Variants in GRB14 observed in about 807,000 individuals in gnomAD.
The protein encoded by GRB14 is growth factor receptor bound protein 14, also known as growth factor receptor-bound protein 14.
Under a neutral mutation model 69.1 loss-of-function variants are expected in GRB14, and 38 were observed. The ratio of observed to expected loss-of-function variants is 0.55; its 90% confidence interval spans 0.42 to 0.72. The LOEUF (loss-of-function observed/expected upper bound fraction) is 0.72. Ranked by LOEUF, GRB14 falls within the 30% of genes least tolerant of loss-of-function variation. The pLI, the probability that GRB14 is intolerant of heterozygous loss-of-function variation, is 0.00. For synonymous variants in GRB14, 247 were observed against 241.3 expected (o/e 1.02, Z -0.22); for missense variants, 666 against 666.1 (o/e 1.00, Z 0.00).
intron 2 of GRB14, among the ~76,000 whole-genome samples, chr2:164,548,172 C>A (rs1252697098): frequency 6.6e-6 from 1 of 152,216 alleles, no homozygotes; most frequent in Non-Finnish European, 1.5e-5. Context: ...CACCCCACCA[C>A]TGTCCTTGGT....
chr2:164,505,124 A>G (rs1687156566), intron 8 of GRB14, among the ~76,000 whole-genome samples: 1 of 152,200 alleles, frequency 6.6e-6, no homozygotes, highest in Non-Finnish European at 1.5e-5. Context: ...CAATAAATTT[A>G]TGTTGCTTTA....
chr2:164,537,202 C>A (rs759981738), intron 3 of GRB14, among the ~76,000 whole-genome samples: 1 of 152,202 alleles, frequency 6.6e-6, no homozygotes, highest in Non-Finnish European at 1.5e-5. Context: ...AGTGGCACTA[C>A]GTTACCTATC....
At chr2:164,512,766 A>C (rs1247652516) in intron 6 of GRB14, among the ~76,000 whole-genome samples, 1 of 152,198 alleles carries the variant, frequency 6.6e-6, no homozygotes, top group African/African-American at 2.4e-5. Context: ...TTGGGGGAAA[A>C]TATGGGAAAA....
chr2:164,508,509 A>G lies in GRB14; in HGVS notation c.969T>C (p.Cys323=). ...AGGPRDLKML[C]AEEEQSRTCW... ...ACGTCCTACTCTGCTCTTCTTCTGC[A>G]CAGAGCATTTTCAGGTCTCGGGGCC... The change falls in exon 8 of 14, where the codon TGT becomes TGC. Residue 323 remains cysteine, a synonymous_variant. Coordinates refer to ENST00000263915, the MANE Select transcript of GRB14 (RefSeq NM_004490.3). 1.2e-6 allele frequency: 2 copies of G among 1,614,110 alleles called. No homozygotes were observed. The highest frequency in any genetic ancestry group is 1.1e-5 in the South Asian group (1 of 91,084).
intron 2 of GRB14, among the ~76,000 whole-genome samples, chr2:164,566,619 G>A (rs977484749): frequency 1.3e-5 from 2 of 152,108 alleles, no homozygotes; most frequent in Admixed American, 1.3e-4. Flanking sequence ...AACAGTGCTA[G>A]AAGTTATTTT....
At chr2:164,546,821 A>C (rs998691091) in intron 3 of GRB14, among the ~76,000 whole-genome samples, 2 of 152,206 alleles carry the variant, frequency 1.3e-5, no homozygotes, top group Admixed American at 1.3e-4. Context: ...TCTGCTCTGC[A>C]ACCCAGCCAA....
At chr2:164,531,802 T>G (rs1009606117) in intron 3 of GRB14, among the ~76,000 whole-genome samples, 13 of 152,196 alleles carry the variant, frequency 8.5e-5, no homozygotes, top group African/African-American at 3.1e-4. Context: ...AGACTCCGGA[T>G]AGGTTTAACA....
At chr2:164,532,279 CTGTT>C (rs1687961601) in intron 3 of GRB14, among the ~76,000 whole-genome samples, 1 of 152,202 alleles carries the variant, frequency 6.6e-6, no homozygotes, top group Non-Finnish European at 1.5e-5. Flanking sequence ...AATAACCTGT[CTGTT>C]CTTAAGCCAG....
intron 9 of GRB14, among the ~76,000 whole-genome samples, chr2:164,499,573 T>C (rs1392710592): frequency 1.3e-5 from 2 of 152,180 alleles, no homozygotes; most frequent in African/African-American, 4.8e-5. Context: ...TCCCCTTTTC[T>C]AGCTCTTCCT....
At chr2:164,562,581 AC>A (rs1688857788) in intron 2 of GRB14, among the ~76,000 whole-genome samples, 1 of 152,236 alleles carries the variant, frequency 6.6e-6, no homozygotes, top group African/African-American at 2.4e-5. Context: ...ATTCTCAGTC[AC>A]AGGGAAATTT....
chr2:164,563,899 T>C (rs558937983), intron 2 of GRB14, among the ~76,000 whole-genome samples: 2 of 152,192 alleles, frequency 1.3e-5, no homozygotes, highest in South Asian at 4.1e-4. Context: ...TATACAAAAA[T>C]AAACAAGATA....
At chr2:164,539,089 T>C (rs558823000) in intron 3 of GRB14, among the ~76,000 whole-genome samples, 2 of 152,218 alleles carry the variant, frequency 1.3e-5, no homozygotes, top group Non-Finnish European at 2.9e-5. Context: ...TAATGGAATC[T>C]AGATCTTTGT....
chr2:164,595,368 T>A (rs994886368), intron 2 of GRB14, among the ~76,000 whole-genome samples: 1 of 152,192 alleles, frequency 6.6e-6, no homozygotes, highest in African/African-American at 2.4e-5. Context: ...GGGGCACAGA[T>A]GTTATACATG....
rs1385737545 is a variant in GRB14, at chr2:164,502,466, A to C, written c.1024-131T>G. The C allele has an allele frequency of 1.2e-5, 7 of 576,144 alleles. No homozygotes were observed. In the South Asian group the frequency reaches 1.7e-4, roughly 14 times the overall value. The allele number at this position is 576,144 out of a possible 1,614,324, so 35.7% of individuals were successfully genotyped here. A position where few individuals can be genotyped will look rare whatever the true frequency, so the allele number is the denominator to read the frequency against. On this transcript the variant is annotated intron_variant, in intron 8 of 13. Transcript: ENST00000263915. Reference sequence around the variant, plus strand: ...AAAGCAAACAAGTAAAGCAACCAAAATTTTGAAAGATGAACTTTTAGTGCC... The same window carrying C: ...AAAGCAAACAAGTAAAGCAACCAAACTTTTGAAAGATGAACTTTTAGTGCC...
At chr2:164,501,019 G>A (rs1480889263) in intron 9 of GRB14, among the ~76,000 whole-genome samples, 1 of 151,976 alleles carries the variant, frequency 6.6e-6, no homozygotes, top group Non-Finnish European at 1.5e-5. Flanking sequence ...GAAATTTGGA[G>A]GAGTTTAGGA....
Position 164,621,092 on chromosome 2 carries a change from T to G in GRB14, c.191+27A>C. ...CTCGCCGGCTGCCCAGCCAGGACAC[T>G]CCCCCGCGCCCTCCAGGGTTGCCTA... On this transcript the variant is annotated intron_variant, in intron 1 of 13. Transcript: ENST00000263915. This position sits in a 1 kb window ranked among gnomAD's most constrained non-coding sequence, Gnocchi z 6.0. The G allele has an allele frequency of 8.0e-7, 1 of 1,245,134 alleles. No individual in the cohort carries two copies. The highest frequency in any genetic ancestry group is 1.0e-6 in the Non-Finnish European group (1 of 987,896). 77.1% of individuals were successfully genotyped at this position (1,245,134 alleles called of 1,614,324 possible).
intron 2 of GRB14, among the ~76,000 whole-genome samples, chr2:164,579,501 G>GCGCACACA (rs71393628): frequency 1.4e-5 from 2 of 145,010 alleles, no homozygotes; most frequent in African/African-American, 5.3e-5. Flanking sequence ...GGGCACACTT[G>GCGCACACA]CACACACACA....
intron 2 of GRB14, among the ~76,000 whole-genome samples, chr2:164,597,071 C>T (rs1689802139): frequency 6.6e-6 from 1 of 152,180 alleles, no homozygotes; most frequent in African/African-American, 2.4e-5. Context: ...CACAGTTCCA[C>T]TGTTTGGTTG....
chr2:164,554,051 TA>T (rs1688614521), intron 2 of GRB14, among the ~76,000 whole-genome samples: 1 of 152,082 alleles, frequency 6.6e-6, no homozygotes, highest in Non-Finnish European at 1.5e-5. Context: ...ATTACTACAC[TA>T]AACCTTCCTA....
Sources: gnomAD v4.1 joint callset for allele counts (sites outside exome capture counted in the v4.1 genomes callset) on GRCh38, gnomAD v4.1.1 for gene constraint, Gnocchi (gnomAD v3.1) non-coding constraint, MANE v1.5 for transcripts, NCBI Gene and HGNC (gene_info 2026-07-23, HGNC 2026-07-21) for gene names.